The following HDAC4 variants were observed in gnomAD, a reference collection of about 807,000 sequenced individuals.
HDAC4 encodes the protein histone deacetylase A.
Under a neutral mutation model 135.1 loss-of-function variants are expected in HDAC4, and 16 were observed. The ratio of observed to expected loss-of-function variants is 0.12; its 90% CI spans 0.08 to 0.18. The LOEUF (loss-of-function observed/expected upper bound fraction) is 0.18, where lower values mean the gene tolerates loss of function less well. Ranked by LOEUF, HDAC4 falls within the 10% of genes least tolerant of loss-of-function variation. HDAC4 has a pLI of 1.00. For missense variants in HDAC4, 1,143 were observed against 1,511.8 expected (o/e 0.76, Z 4.05); for synonymous variants, 685 against 653.4 (o/e 1.05, Z -0.74).
rs1691598425 is a variant in HDAC4 at position 239,331,846 on chromosome 2, A to C, written c.22+20832T>G. On this transcript the variant is annotated intron_variant, in intron 2 of 26. Transcript: ENST00000543185. This position sits in a 1 kb window ranked among gnomAD's most constrained non-coding sequence, Gnocchi z 4.5. Reference sequence around the variant, plus strand: ...TCCTCCAGAGGCTGAGGAGCGGAGCAGCACCGGACGGCTCGGACCCTGGGA... The same window carrying C: ...TCCTCCAGAGGCTGAGGAGCGGAGCCGCACCGGACGGCTCGGACCCTGGGA... Among the ~76,000 whole-genome samples the C allele has an allele frequency of 6.6e-6, 1 of 152,168 alleles. No homozygotes were observed. Among genetic ancestry groups the C allele is most frequent in the Non-Finnish European group, 1.5e-5 (1 of 68,036 alleles).
In HDAC4 at chr2:239,068,871, C is replaced by T. The variant is rs1467986987; in HGVS notation, c.2751-264G>A. ...CGACACTTGCTTGGTGAGAGGGAGT[C>T]ACGGTGCAAGCCAGCAAGCCCCACT... On this transcript the variant is annotated intron_variant, in intron 22 of 26. Transcript: ENST00000543185. This position sits in a 1 kb window ranked among gnomAD's most constrained non-coding sequence, Gnocchi z 4.4. 1 of 463,548 alleles carries T rather than the reference C, an allele frequency of 2.2e-6. No homozygotes were observed. The highest frequency in any genetic ancestry group is 2.9e-5 in the Admixed American group (1 of 33,918). 28.7% of individuals were successfully genotyped at this position (463,548 alleles called of 1,614,324 possible).
chr2:239,272,290 C>T (rs765101707), intron 2 of HDAC4, among the ~76,000 whole-genome samples: 1 of 152,178 alleles, frequency 6.6e-6, no homozygotes. Flanking sequence ...CACCAAAACA[C>T]AGGCAGCAAA....
At chr2:239,208,666 C>T (rs2046200824) in intron 3 of HDAC4, among the ~76,000 whole-genome samples, 1 of 151,956 alleles carries the variant, frequency 6.6e-6, no homozygotes, top group Non-Finnish European at 1.5e-5. Flanking sequence ...CCCCCACCAC[C>T]TGCAAAGAGA....
At chr2:239,378,775 T>C (rs1314024555) in intron 1 of HDAC4, among the ~76,000 whole-genome samples, 1 of 152,196 alleles carries the variant, frequency 6.6e-6, no homozygotes, top group African/African-American at 2.4e-5. Context: ...CCTGGGCTCT[T>C]CTCTTGTTCA....
rs557169689 is a variant in HDAC4, at chr2:239,179,941, G to A, written c.340-3378C>T. On this transcript the variant is annotated intron_variant, in intron 4 of 26. Coordinates refer to ENST00000543185, the MANE Select transcript of HDAC4 (RefSeq NM_001378414.1). ...GCACCCAAGTGTGCGTTCTGAATGTGAGTGAGCGCGTGGGATTGAGCATGT... is the reference window on the plus strand; with the variant it reads ...GCACCCAAGTGTGCGTTCTGAATGTAAGTGAGCGCGTGGGATTGAGCATGT... Among the ~76,000 whole-genome samples, 6 of 152,360 alleles carry A rather than the reference G, an allele frequency of 3.9e-5. No homozygotes were observed. The South Asian group carries it at 8.3e-4, about 21-fold the overall frequency.
intron 2 of HDAC4, among the ~76,000 whole-genome samples, chr2:239,265,681 C>A (rs1299617696): frequency 3.3e-5 from 5 of 152,228 alleles, no homozygotes; most frequent in Admixed American, 2.6e-4. Context: ...AACACAGGCA[C>A]CCCACAAAGA....
intron 2 of HDAC4, among the ~76,000 whole-genome samples, chr2:239,305,837 C>T (rs1036892791): frequency 2.6e-5 from 4 of 152,174 alleles, no homozygotes; most frequent in African/African-American, 9.7e-5. Context: ...TTAGCAAGTA[C>T]TTCTCTGACC....
intron 2 of HDAC4, among the ~76,000 whole-genome samples, chr2:239,344,894 G>A (rs962939766): frequency 8.5e-5 from 13 of 152,166 alleles, no homozygotes; most frequent in African/African-American, 3.1e-4. Flanking sequence ...CCACGTTCTC[G>A]GGGTTCAATC....
At chr2:239,380,343 CAT>C (rs10602135) in intron 1 of HDAC4, among the ~76,000 whole-genome samples, 100,702 of 151,868 alleles carry the variant, frequency 0.66, 33,775 homozygotes, top group East Asian at 0.93. Flanking sequence ...TTAAATTATA[CAT>C]ATGTTATAAA....
At chr2:239,111,790 C>T (rs1575067307) in intron 13 of HDAC4, 78 bp from the exon 14 acceptor site, 2 of 1,353,532 alleles carry the variant, frequency 1.5e-6, no homozygotes, top group South Asian at 2.5e-5. Flanking sequence ...GTTGCCCTCT[C>T]TTGCAAGTCT....
At chr2:239,302,843 A>T (rs1575654444) in intron 2 of HDAC4, among the ~76,000 whole-genome samples, 1 of 152,190 alleles carries the variant, frequency 6.6e-6, no homozygotes, top group Non-Finnish European at 1.5e-5. Flanking sequence ...TCCCCAAAAG[A>T]GTCTCTCAAG....
chr2:239,198,716 C>T lies in HDAC4; in HGVS notation c.95-8639G>A, dbSNP rs557269832. On this transcript the variant is annotated intron_variant, in intron 3 of 26. Coordinates refer to ENST00000543185, the MANE Select transcript of HDAC4 (RefSeq NM_001378414.1). ...TGCTGTCAGTTGCCAGGCTCTCATT[C>T]GTGTCGCCCCTCTTCTGTTCTCCCC... Among the ~76,000 whole-genome samples the T allele has an allele frequency of 2.2e-4, 33 of 152,316 alleles. No individual in the cohort carries two copies. In the South Asian group the frequency reaches 6.2e-3, roughly 29 times the overall value.
intron 2 of HDAC4, among the ~76,000 whole-genome samples, chr2:239,312,762 C>T (rs955719842): frequency 6.6e-6 from 1 of 152,250 alleles, no homozygotes; most frequent in African/African-American, 2.4e-5. Context: ...TGCACCACAG[C>T]ACTGAGGGCA....
Position 239,307,150 on chromosome 2 carries a change from C to T in HDAC4, c.22+45528G>A, listed in dbSNP as rs750795276. On this transcript the variant is annotated intron_variant, in intron 2 of 26. Transcript: ENST00000543185. The surrounding 1 kb of genome is among the most constrained non-coding windows in gnomAD (Gnocchi z 4.8). ...GCCTGCCGTCCATCCTGGGTGCCCA[C>T]GAGGGGTCTGGAAACCCTGACAGGG... Among the ~76,000 whole-genome samples, 2 of 152,048 alleles carry T rather than the reference C, an allele frequency of 1.3e-5. No homozygotes were observed. Among genetic ancestry groups the T allele is most frequent in the Non-Finnish European group, 2.9e-5 (2 of 67,998 alleles).
At chr2:239,220,551 A>G (rs1418127283) in intron 3 of HDAC4, among the ~76,000 whole-genome samples, 1 of 152,200 alleles carries the variant, frequency 6.6e-6, no homozygotes, top group African/African-American at 2.4e-5. Context: ...GTGACCTCGG[A>G]GAAGATGGTG....
intron 13 of HDAC4, among the ~76,000 whole-genome samples, chr2:239,113,327 C>T (rs145822121): frequency 3.3e-5 from 5 of 152,108 alleles, no homozygotes; most frequent in Admixed American, 6.5e-5. Context: ...GGAGGAGCTG[C>T]AGCAGGAGCT....
chr2:239,259,967 G>A (rs774451161), intron 2 of HDAC4, among the ~76,000 whole-genome samples: 8 of 152,228 alleles, frequency 5.3e-5, no homozygotes, highest in Non-Finnish European at 1.2e-4. Context: ...ATCTAAGGGT[G>A]AAGCTCCTGC....
chr2:239,375,780 C>T (rs1220414613), intron 1 of HDAC4, among the ~76,000 whole-genome samples: 2 of 152,324 alleles, frequency 1.3e-5, no homozygotes, highest in African/African-American at 4.8e-5. Context: ...TCCATGGCCC[C>T]CCAGGGGGCC....
chr2:239,376,633 C>T (rs57588482), intron 1 of HDAC4, among the ~76,000 whole-genome samples: 42,598 of 152,208 alleles, frequency 0.28, 6,281 homozygotes, highest in Non-Finnish European at 0.34. Context: ...AGGTGATGAA[C>T]GCCATCCAGC....
Sources: gnomAD v4.1 joint callset for allele counts (sites outside exome capture counted in the v4.1 genomes callset) on GRCh38, gnomAD v4.1.1 for gene constraint, Gnocchi (gnomAD v3.1) non-coding constraint, MANE v1.5 for transcripts, NCBI Gene and HGNC (gene_info 2026-07-23, HGNC 2026-07-21) for gene names.